The following FAM118A variants were observed in gnomAD, a reference collection of about 807,000 sequenced individuals.
FAM118A encodes protein FAM118A.
A neutral mutation model predicts 38.2 loss-of-function variants in FAM118A; 25 were observed. The ratio of observed to expected loss-of-function variants is 0.65; its 90% CI spans 0.48 to 0.91. The LOEUF is 0.91. Ranked by LOEUF, FAM118A falls within the 40% of genes least tolerant of loss-of-function variation. The pLI is 0.00. For missense variants in FAM118A, 425 were observed against 463.3 expected (o/e 0.92, Z 0.76); for synonymous variants, 178 against 184.1 (o/e 0.97, Z 0.27).
chr22:45,330,260 G>A (rs769701725), intron 4 of FAM118A, among the ~76,000 whole-genome samples: 6 of 152,130 alleles, frequency 3.9e-5, no homozygotes, highest in Middle Eastern at 3.2e-3. Flanking sequence ...GGCTGGTCTC[G>A]AACTCCTGAG....
intron 4 of FAM118A, chr22:45,328,666 C>T (rs1344500784): frequency 5.2e-6 from 3 of 574,628 alleles, no homozygotes; most frequent in Non-Finnish European, 9.3e-6. Context: ...AAGTGGCACA[C>T]TGGCAACTTG....
chr22:45,337,777 A>G (rs2086210039), intron 8 of FAM118A: 2 of 968,004 alleles, frequency 2.1e-6, no homozygotes, highest in Non-Finnish European at 2.5e-6. Flanking sequence ...GTACCTCCTG[A>G]GGCCGCTTCT....
At chr22:45,332,276 T>G in intron 5 of FAM118A, 149 bp from the exon 6 acceptor site, 1 of 764,262 alleles carries the variant, frequency 1.3e-6, no homozygotes, top group Non-Finnish European at 2.0e-6. Flanking sequence ...TCGGGAAGGA[T>G]ACTGTCCTTC....
chr22:45,332,139 G>T (rs181908423), intron 5 of FAM118A, among the ~76,000 whole-genome samples: 3 of 152,222 alleles, frequency 2.0e-5, no homozygotes, highest in African/African-American at 7.2e-5. Flanking sequence ...GCTGTTAGGG[G>T]TGTGGGCACT....
intron 8 of FAM118A, 64 bp from the exon 9 acceptor site, chr22:45,340,322 A>G (rs2086400465): frequency 3.2e-6 from 5 of 1,586,154 alleles, no homozygotes; most frequent in South Asian, 1.1e-5. Flanking sequence ...ATAGAAATCT[A>G]TTGCAAATAA....
intron 4 of FAM118A, 112 bp from the exon 5 acceptor site, chr22:45,330,491 T>C: frequency 2.4e-6 from 3 of 1,227,186 alleles, no homozygotes; most frequent in Non-Finnish European, 3.3e-6. Flanking sequence ...CATCTCTCGA[T>C]GATTCTTTCC....
chr22:45,317,896 C>T (rs1407939112), intron 1 of FAM118A, among the ~76,000 whole-genome samples: 2 of 152,126 alleles, frequency 1.3e-5, no homozygotes, highest in Non-Finnish European at 2.9e-5. Flanking sequence ...ATCCCATTTG[C>T]CGATATCTCA....
intron 1 of FAM118A, among the ~76,000 whole-genome samples, chr22:45,321,042 T>C (rs539798663): frequency 6.6e-5 from 10 of 152,212 alleles, no homozygotes; most frequent in Non-Finnish European, 1.5e-4. Flanking sequence ...TTTAATAACA[T>C]AAAGGAGATG....
intron 1 of FAM118A, among the ~76,000 whole-genome samples, chr22:45,317,001 T>A (rs1382247737): frequency 6.6e-6 from 1 of 152,224 alleles, no homozygotes; most frequent in African/African-American, 2.4e-5. Flanking sequence ...CTTGCTTCAT[T>A]GTAATCAGAT....
chr22:45,331,522 G>C (rs941122130), intron 5 of FAM118A, among the ~76,000 whole-genome samples: 1 of 152,072 alleles, frequency 6.6e-6, no homozygotes, highest in Non-Finnish European at 1.5e-5. Flanking sequence ...CTGCAGGTGT[G>C]TGCCCCTACT....
At chr22:45,321,647 G>A (rs960436382) in intron 1 of FAM118A, 2 of 153,556 alleles carry the variant, frequency 1.3e-5, no homozygotes, top group Non-Finnish European at 2.9e-5. Context: ...GAACTCCTGA[G>A]TTCAAGCAGT....
chr22:45,316,867 T>C (rs1007060066), intron 1 of FAM118A, among the ~76,000 whole-genome samples: 7 of 152,206 alleles, frequency 4.6e-5, no homozygotes, highest in Middle Eastern at 3.2e-3. Context: ...CATTTTATGA[T>C]CACTGTGGAT....
At chr22:45,312,051 CT>C (rs1175919233) in intron 1 of FAM118A, among the ~76,000 whole-genome samples, 2 of 152,068 alleles carry the variant, frequency 1.3e-5, no homozygotes, top group African/African-American at 4.8e-5. Context: ...GCTAGGGGTC[CT>C]GAAGAGAACC....
chr22:45,327,736 T>G, intron 3 of FAM118A, 106 bp from the exon 4 acceptor site: 2 of 1,163,292 alleles, frequency 1.7e-6, no homozygotes, highest in Non-Finnish European at 2.5e-6. Context: ...CAGATTTTCT[T>G]TGTTTTCAGC....
chr22:45,333,612 T>G (rs1203055141), intron 6 of FAM118A, among the ~76,000 whole-genome samples: 5 of 148,016 alleles, frequency 3.4e-5, no homozygotes, highest in Non-Finnish European at 7.4e-5. Flanking sequence ...AGGCAGAGCT[T>G]GCAGTGAGCC....
At chr22:45,327,645 T>C (rs6007589) in intron 3 of FAM118A, among the ~76,000 whole-genome samples, 197 bp from the exon 4 acceptor site, 136,444 of 152,260 alleles carry the variant, frequency 0.9, 61,297 homozygotes, top group African/African-American at 0.95. Context: ...CGTGCTTTCC[T>C]GTGGCAGCGT....
chr22:45,320,988 G>C (rs1157416579), intron 1 of FAM118A, among the ~76,000 whole-genome samples: 1 of 152,204 alleles, frequency 6.6e-6, no homozygotes, highest in East Asian at 1.9e-4. Flanking sequence ...GTCAGTAAGA[G>C]AGAATTCCAT....
At chr22:45,331,220 A>T (rs2085692297) in intron 5 of FAM118A, among the ~76,000 whole-genome samples, 1 of 152,146 alleles carries the variant, frequency 6.6e-6, no homozygotes, top group Non-Finnish European at 1.5e-5. Context: ...GTGCTTTGGC[A>T]GGCCAAGGCA....
At chr22:45,324,372 T>TGCGTG (rs2085101863) in intron 3 of FAM118A, among the ~76,000 whole-genome samples, 1 of 151,956 alleles carries the variant, frequency 6.6e-6, no homozygotes, top group African/African-American at 2.4e-5. Context: ...GTAAATGATG[T>TGCGTG]GCGTGCGCGG....
Sources: gnomAD v4.1 joint callset for allele counts (sites outside exome capture counted in the v4.1 genomes callset) on GRCh38, gnomAD v4.1.1 for gene constraint, MANE v1.5 for transcripts, NCBI Gene and HGNC (gene_info 2026-07-23, HGNC 2026-07-21) for gene names.